RAD51B: variants seen among roughly 807,000 people sequenced by gnomAD.
RAD51B encodes the protein RAD51 paralog B.
RAD51B carries 38 observed loss-of-function variants against 42.2 expected under a neutral mutation model. The ratio of observed to expected loss-of-function variants is 0.90; its 90% CI spans 0.70 to 1.18. The LOEUF is 1.18. Among genes scored for constraint, RAD51B ranks in the 50% most tolerant of loss-of-function variants. The pLI, the probability that RAD51B is intolerant of heterozygous loss-of-function variation, is 0.00. For missense variants in RAD51B, 373 were observed against 400.7 expected (o/e 0.93, Z 0.59); for synonymous variants, 154 against 145.2 (o/e 1.06, Z -0.43).
chr14:68,495,924 G>A (rs1252580018), intron 10 of RAD51B, among the ~76,000 whole-genome samples: 1 of 152,204 alleles, frequency 6.6e-6, no homozygotes, highest in African/African-American at 2.4e-5. Flanking sequence ...GTGGCTTTAA[G>A]AGTCATTATG....
At position 68,097,719 on chromosome 14, in the gene RAD51B, A is replaced by G. The variant is rs143520870; in HGVS notation, c.757-194165A>G. ...TCTGTCTAGACCACTGGAAAAACGT[A>G]TCTTCCTTTATTCTGACCTCTTCTA... On this transcript the variant is annotated intron_variant, in intron 7 of 10. Coordinates refer to ENST00000471583, the MANE Select transcript of RAD51B (RefSeq NM_133510.4). 2.7e-4 allele frequency among the ~76,000 whole-genome samples: 41 copies of G among 152,336 alleles called. 1 individual carries two copies. The highest frequency in any genetic ancestry group is 6.8e-3 in the Middle Eastern group (2 of 294).
intron 7 of RAD51B, among the ~76,000 whole-genome samples, chr14:68,291,005 T>C (rs2081506012): frequency 6.6e-6 from 1 of 151,706 alleles, no homozygotes; most frequent in South Asian, 2.1e-4. Context: ...ACAGGGTTTC[T>C]CCACATTGGC....
intron 7 of RAD51B, among the ~76,000 whole-genome samples, chr14:68,095,716 C>T (rs1208890949): frequency 6.6e-6 from 1 of 151,980 alleles, no homozygotes; most frequent in Non-Finnish European, 1.5e-5. Context: ...TGGCTCATGC[C>T]TGTAATCCCA....
intron 4 of RAD51B, among the ~76,000 whole-genome samples, chr14:67,864,218 G>C (rs994839586): frequency 1.3e-5 from 2 of 152,130 alleles, no homozygotes; most frequent in Admixed American, 1.3e-4. Context: ...TTTGGATGGG[G>C]ACACAGAGCC....
At chr14:68,458,625 AG>A (rs1331912618) in intron 9 of RAD51B, among the ~76,000 whole-genome samples, 12 of 151,264 alleles carry the variant, frequency 7.9e-5, no homozygotes, top group African/African-American at 2.9e-4. Flanking sequence ...TTATAACCTC[AG>A]GGTCAAAATT....
At chr14:67,966,022 C>G (rs1202805417) in intron 7 of RAD51B, among the ~76,000 whole-genome samples, 4 of 152,168 alleles carry the variant, frequency 2.6e-5, no homozygotes. Flanking sequence ...AAATGAATGC[C>G]TCCTTCCTAT....
intron 3 of RAD51B, among the ~76,000 whole-genome samples, chr14:67,833,928 A>C (rs1293611379): frequency 6.6e-6 from 1 of 152,258 alleles, no homozygotes; most frequent in African/African-American, 2.4e-5. Flanking sequence ...GCTGTTCTTC[A>C]CAAACTAATC....
intron 7 of RAD51B, among the ~76,000 whole-genome samples, chr14:68,012,444 A>T (rs1228907522): frequency 6.6e-6 from 1 of 151,912 alleles, no homozygotes; most frequent in Non-Finnish European, 1.5e-5. Context: ...ATATATATAT[A>T]TCTAGAGAGA....
chr14:67,882,554 A>T (rs993797635), intron 5 of RAD51B, among the ~76,000 whole-genome samples: 4 of 152,246 alleles, frequency 2.6e-5, no homozygotes, highest in African/African-American at 9.6e-5. Flanking sequence ...TTGCGTAATG[A>T]CATGGAACTT....
At chr14:68,176,244 G>A (rs1276180331) in intron 7 of RAD51B, among the ~76,000 whole-genome samples, 1 of 152,076 alleles carries the variant, frequency 6.6e-6, no homozygotes, top group Non-Finnish European at 1.5e-5. Context: ...TATTTTTCTG[G>A]GGCTTTGTAT....
intron 7 of RAD51B, among the ~76,000 whole-genome samples, chr14:68,030,765 T>G (rs1425995507): frequency 1.3e-5 from 2 of 152,242 alleles, no homozygotes; most frequent in Non-Finnish European, 2.9e-5. Context: ...GAAGCCTAGC[T>G]TTCAGCCTAT....
intron 4 of RAD51B, among the ~76,000 whole-genome samples, chr14:67,863,090 C>T: frequency 6.8e-6 from 1 of 147,908 alleles, no homozygotes; most frequent in Admixed American, 6.7e-5. Flanking sequence ...ATTATTTATT[C>T]TTAAAGTCTA....
intron 7 of RAD51B, among the ~76,000 whole-genome samples, chr14:67,979,383 G>C (rs2075050811): frequency 6.6e-6 from 1 of 152,100 alleles, no homozygotes; most frequent in African/African-American, 2.4e-5. Flanking sequence ...TAGTTTTCAA[G>C]ACATTTAAAC....
intron 7 of RAD51B, among the ~76,000 whole-genome samples, chr14:68,055,961 G>T (rs1262702127): frequency 6.6e-6 from 1 of 152,164 alleles, no homozygotes; most frequent in Non-Finnish European, 1.5e-5. Flanking sequence ...CTGGGTTTTA[G>T]TGTCTGTCCT....
chr14:68,057,144 G>T (rs528487388), intron 7 of RAD51B, among the ~76,000 whole-genome samples: 1 of 151,984 alleles, frequency 6.6e-6, no homozygotes, highest in East Asian at 1.9e-4. Context: ...GGTGGAGTAG[G>T]CTCAGAGCCA....
At chr14:68,546,612 A>G (rs1235742393) in intron 10 of RAD51B, among the ~76,000 whole-genome samples, 1 of 152,206 alleles carries the variant, frequency 6.6e-6, no homozygotes, top group Admixed American at 6.5e-5. Flanking sequence ...CGAAGCCAAC[A>G]AAGAGTAAAG....
At chr14:68,161,913 A>G (rs1184932980) in intron 7 of RAD51B, among the ~76,000 whole-genome samples, 1 of 152,192 alleles carries the variant, frequency 6.6e-6, no homozygotes, top group African/African-American at 2.4e-5. Flanking sequence ...ATTTCTGGAG[A>G]CATTTTTTTA....
chr14:67,822,586 G>A (rs1227210467), intron 1 of RAD51B, among the ~76,000 whole-genome samples: 3 of 151,590 alleles, frequency 2.0e-5, no homozygotes, highest in African/African-American at 7.3e-5. Flanking sequence ...AGCCAGACAT[G>A]GTGGTGCACG....
intron 7 of RAD51B, among the ~76,000 whole-genome samples, chr14:67,962,798 A>G (rs1006352545): frequency 1.3e-5 from 2 of 152,312 alleles, no homozygotes; most frequent in East Asian, 1.9e-4. Flanking sequence ...TACTGTAGAA[A>G]GTGTGGCAGT....
Sources: gnomAD v4.1 joint callset for allele counts (sites outside exome capture counted in the v4.1 genomes callset) on GRCh38, gnomAD v4.1.1 for gene constraint, MANE v1.5 for transcripts, NCBI Gene and HGNC (gene_info 2026-07-23, HGNC 2026-07-21) for gene names.